The following MELK variants were observed in gnomAD, a reference collection of about 807,000 sequenced individuals.
MELK encodes maternal embryonic leucine zipper kinase.
MELK carries 81 observed loss-of-function variants against 85.0 expected under a neutral mutation model. The ratio of observed to expected loss-of-function variants is 0.95; its 90% confidence interval spans 0.80 to 1.15. MELK has a LOEUF of 1.15. MELK is among the 50% of genes most tolerant of loss of function. The probability of loss-of-function intolerance (pLI) is 0.00; values close to 1 mark genes in which losing one functional copy is unlikely to be tolerated. For missense variants in MELK, 754 were observed against 777.5 expected (o/e 0.97, Z 0.36); for synonymous variants, 252 against 265.0 (o/e 0.95, Z 0.48).
intron 13 of MELK, among the ~76,000 whole-genome samples, chr9:36,658,414 T>C (rs1831465134): frequency 6.6e-6 from 1 of 152,194 alleles, no homozygotes; most frequent in Non-Finnish European, 1.5e-5. Context: ...CTGAAAGTTC[T>C]GTTTAATCCC....
At chr9:36,602,010 T>C (rs1053846032) in intron 7 of MELK, among the ~76,000 whole-genome samples, 1 of 152,240 alleles carries the variant, frequency 6.6e-6, no homozygotes, top group Non-Finnish European at 1.5e-5. Flanking sequence ...TTGGCACCTG[T>C]GAATAATGTT....
At chr9:36,622,555 C>A (rs1383985311) in intron 8 of MELK, among the ~76,000 whole-genome samples, 1 of 152,110 alleles carries the variant, frequency 6.6e-6, no homozygotes, top group African/African-American at 2.4e-5. Flanking sequence ...TTAATGTTAC[C>A]TATATTCATT....
At chr9:36,655,093 C>G (rs944204473) in intron 12 of MELK, among the ~76,000 whole-genome samples, 18 of 152,184 alleles carry the variant, frequency 1.2e-4, no homozygotes, top group Non-Finnish European at 4.4e-5. Context: ...ACGTCATCAT[C>G]ATCAGTGTCA....
Position 36,651,859 on chromosome 9 carries a change from C to G in MELK, c.1035C>G (p.Thr345=), listed in dbSNP as rs1235606333. ...SSFSCGQASA[T]PFTDIKSNNW... ...TCTCCTGTGGACAAGCCAGTGCTAC[C>G]CCATTCACAGACATCAAGGTAAGTG... The change falls in exon 12 of 18, where the codon ACC becomes ACG. Residue 345 remains threonine (T), a synonymous_variant. Coordinates refer to ENST00000298048, the MANE Select transcript of MELK (RefSeq NM_014791.4). 6.2e-7 allele frequency: 1 copy of G among 1,613,674 alleles called. No homozygotes were observed. Among genetic ancestry groups the G allele is most frequent in the Non-Finnish European group, 8.5e-7 (1 of 1,179,834 alleles).
rs557719031 is a variant in MELK at position 36,677,270 on chromosome 9, G to A, written c.1889G>A (p.Arg630Gln). 1.2e-5 allele frequency: 20 copies of A among 1,613,900 alleles called. No individual in the cohort carries two copies. Among genetic ancestry groups the A allele is most frequent in the East Asian group, 2.2e-5 (1 of 44,890 alleles). The change falls in exon 18 of 18, where the codon CGG becomes CAG. Residue 630 changes from arginine (R) to glutamine (Q), a missense_variant. By Grantham distance (43) the Arg-to-Gln change is conservative. Transcript: ENST00000298048. ...GATGTGGTGGGTATCAGGAGGCAGC[G>A]GCTTAAGGGCGATGCCTGGGTTTAC... ...KPDVVGIRRQRLKGDAWVYKR... is the reference protein window; with the variant it reads ...KPDVVGIRRQQLKGDAWVYKR...
At chr9:36,671,567 C>CT (rs1832892035) in intron 16 of MELK, among the ~76,000 whole-genome samples, 1 of 152,104 alleles carries the variant, frequency 6.6e-6, no homozygotes, top group South Asian at 2.1e-4. Context: ...ATAATTGGAA[C>CT]TTTGAGTGTG....
chr9:36,582,258 G>A (rs899182846), intron 2 of MELK, among the ~76,000 whole-genome samples: 1 of 151,844 alleles, frequency 6.6e-6, no homozygotes, highest in South Asian at 2.1e-4. Flanking sequence ...ATGAGCCACC[G>A]CGCCCAGGCT....
intron 3 of MELK, among the ~76,000 whole-genome samples, chr9:36,585,302 GTTTT>G (rs869244728): frequency 3.9e-5 from 3 of 77,828 alleles, no homozygotes; most frequent in Admixed American, 1.6e-4. Context: ...ACCATTCTTT[GTTTT>G]TTTTTTTTTT....
At chr9:36,590,083 G>A (rs1225497191) in intron 4 of MELK, among the ~76,000 whole-genome samples, 4 of 151,808 alleles carry the variant, frequency 2.6e-5, no homozygotes, top group Admixed American at 6.6e-5. Context: ...CACCATGCCC[G>A]GCTAATTTTT....
intron 8 of MELK, among the ~76,000 whole-genome samples, chr9:36,610,008 T>G (rs759108300): frequency 6.6e-6 from 1 of 152,100 alleles, no homozygotes; most frequent in Non-Finnish European, 1.5e-5. Context: ...AAGTGAGGTT[T>G]GAGCAGGTCT....
chr9:36,675,100 A>G (rs897441761), intron 17 of MELK, among the ~76,000 whole-genome samples, 163 bp downstream of exon 17: 4 of 152,242 alleles, frequency 2.6e-5, no homozygotes, highest in Non-Finnish European at 5.9e-5. Context: ...AGCCTGGCCA[A>G]CATGGAGAAG....
chr9:36,665,632 T>G, intron 14 of MELK, 51 bp downstream of exon 14: 1 of 1,415,184 alleles, frequency 7.1e-7, no homozygotes, highest in Non-Finnish European at 9.8e-7. Context: ...TCTTACCATG[T>G]TAAGTAAACA....
chr9:36,616,206 A>G (rs1447389017), intron 8 of MELK, among the ~76,000 whole-genome samples: 4 of 152,330 alleles, frequency 2.6e-5, no homozygotes, highest in East Asian at 1.9e-4. Flanking sequence ...TTGTATATAC[A>G]GGTCTATGAA....
At chr9:36,613,403 G>T (rs1826238634) in intron 8 of MELK, among the ~76,000 whole-genome samples, 2 of 152,346 alleles carry the variant, frequency 1.3e-5, no homozygotes, top group South Asian at 2.1e-4. Context: ...GATGTGTGGG[G>T]TATATCTGTG....
intron 4 of MELK, among the ~76,000 whole-genome samples, chr9:36,594,046 T>G (rs765779041): frequency 1.3e-5 from 2 of 152,204 alleles, no homozygotes; most frequent in Non-Finnish European, 2.9e-5. Flanking sequence ...AGGTCAAGTC[T>G]ATATGCATTT....
chr9:36,670,572 T>C (rs1832791308), intron 15 of MELK, among the ~76,000 whole-genome samples: 1 of 151,444 alleles, frequency 6.6e-6, no homozygotes, highest in Non-Finnish European at 1.5e-5. Context: ...TATATAGATA[T>C]ATACATTGAT....
At chr9:36,672,639 A>G (rs1182557783) in intron 16 of MELK, among the ~76,000 whole-genome samples, 1 of 152,200 alleles carries the variant, frequency 6.6e-6, no homozygotes, top group Admixed American at 6.5e-5. Flanking sequence ...TTGATAAATC[A>G]TTTTATTCCT....
At chr9:36,597,916 C>A (rs1356557312) in intron 6 of MELK, among the ~76,000 whole-genome samples, 1 of 152,208 alleles carries the variant, frequency 6.6e-6, no homozygotes, top group Non-Finnish European at 1.5e-5. Flanking sequence ...CTGTTGGAAG[C>A]TTCCTCTGGA....
chr9:36,640,122 G>A (rs1829625711), intron 10 of MELK, among the ~76,000 whole-genome samples: 1 of 152,198 alleles, frequency 6.6e-6, no homozygotes, highest in Admixed American at 6.5e-5. Context: ...ATGAGGTTGT[G>A]CTTATACCAG....
Sources: allele counts gnomAD v4.1 joint callset (sites outside exome capture counted in the v4.1 genomes callset), GRCh38; gene constraint gnomAD v4.1.1; transcripts MANE v1.5; gene names NCBI Gene and HGNC (gene_info 2026-07-23, HGNC 2026-07-21).